Variants in SULF2 observed in about 807,000 individuals in gnomAD.
SULF2 encodes the protein extracellular sulfatase Sulf-2.
Under a neutral mutation model 107.7 loss-of-function variants are expected in SULF2, and 52 were observed. The ratio of observed to expected loss-of-function variants is 0.48; its 90% confidence interval spans 0.39 to 0.61. The LOEUF (loss-of-function observed/expected upper bound fraction) is 0.61. Among genes scored for constraint, SULF2 ranks in the 20% least tolerant of loss-of-function variants. The pLI is 0.00. For missense variants in SULF2, 993 were observed against 1,177.3 expected (o/e 0.84, Z 2.29); for synonymous variants, 460 against 464.3 (o/e 0.99, Z 0.12).
rs182571247 is a variant in SULF2 at position 47,660,906 on chromosome 20, G to A, written c.2494+867C>T. On this transcript the variant is annotated intron_variant, in intron 18 of 20. Coordinates refer to ENST00000688720, the MANE Select transcript of SULF2 (RefSeq NM_001387048.1). ...GCACCTCCCATCACCATGTTGTCTGGGGGCTTCACCACCTGAATCTGAAAT... is the reference window on the plus strand; with the variant it reads ...GCACCTCCCATCACCATGTTGTCTGAGGGCTTCACCACCTGAATCTGAAAT... Among the ~76,000 whole-genome samples, 426 of 152,128 alleles carry A rather than the reference G, an allele frequency of 2.8e-3. 8 individuals carry two copies. Among genetic ancestry groups the A allele is most frequent in the Admixed American group, 0.023 (359 of 15,280 alleles).
At position 47,724,830 on chromosome 20, in the gene SULF2, G is replaced by A. The variant is rs192352646; in HGVS notation, c.415+11873C>T. 2.6e-5 allele frequency among the ~76,000 whole-genome samples: 4 copies of A among 152,300 alleles called. No individual in the cohort carries two copies. In the East Asian group the frequency reaches 7.7e-4, roughly 29 times the overall value. ...CACTACTTGCACCTTTCAAAGAGCTGTTCTCAGCGCCATCAGACTGACCTC... is the reference window on the plus strand; with the variant it reads ...CACTACTTGCACCTTTCAAAGAGCTATTCTCAGCGCCATCAGACTGACCTC... On this transcript the variant is annotated intron_variant, in intron 3 of 20. Coordinates refer to ENST00000688720, the MANE Select transcript of SULF2 (RefSeq NM_001387048.1).
chr20:47,738,280 G>A (rs538784645), intron 2 of SULF2, among the ~76,000 whole-genome samples: 1 of 152,370 alleles, frequency 6.6e-6, no homozygotes, highest in East Asian at 1.9e-4. Context: ...TCAATTGTAT[G>A]CTGTGGTTGG....
chr20:47,702,211 C>G (rs1889172), intron 4 of SULF2, among the ~76,000 whole-genome samples: 6 of 151,896 alleles, frequency 4.0e-5, no homozygotes, highest in Non-Finnish European at 7.4e-5. Context: ...GCATGTGCCA[C>G]CACACCCGGC....
At chr20:47,760,889 G>A (rs567334432) in intron 1 of SULF2, among the ~76,000 whole-genome samples, 93 of 152,318 alleles carry the variant, frequency 6.1e-4, no homozygotes, top group African/African-American at 2.2e-3. Context: ...GAGCCACTGC[G>A]GCAACTGCCT....
chr20:47,768,884 T>G (rs913846277), intron 1 of SULF2, among the ~76,000 whole-genome samples: 2 of 90,528 alleles, frequency 2.2e-5, no homozygotes, highest in Non-Finnish European at 2.6e-5. Flanking sequence ...GTGTGCGTGT[T>G]TTTTTTTTTT....
chr20:47,766,169 C>G (rs6094821), intron 1 of SULF2, among the ~76,000 whole-genome samples: 2 of 152,222 alleles, frequency 1.3e-5, no homozygotes, highest in African/African-American at 4.8e-5. Context: ...GGATGACACA[C>G]GCACATCTGT....
rs6125071 is a variant in SULF2, at chr20:47,676,623, G to A, written c.1251C>T (p.Gly417=). The A allele has an allele frequency of 6.7e-4, 1,042 of 1,550,890 alleles. 16 individuals are homozygous for A. The East Asian group carries it at 0.022, about 33-fold the overall frequency. ...VWRDSFLVER[G]KLLHKRDNDK... ...CATTGTCTCTCTTGTGTAGCAGCTT[G>A]CTATGGGGCAGAGAGCAGGAGCCGC... The change falls in exon 10 of 21, where the codon GGC becomes GGT. Residue 417 remains glycine, a splice_region_variant and synonymous_variant. Transcript: ENST00000688720.
chr20:47,694,997 C>A lies in SULF2; in HGVS notation c.568-4702G>T, dbSNP rs1051784640. 2.9e-4 allele frequency among the ~76,000 whole-genome samples: 44 copies of A among 152,292 alleles called. No homozygotes were observed. The highest frequency in any genetic ancestry group is 9.9e-4 in the African/African-American group (41 of 41,562). On this transcript the variant is annotated intron_variant, in intron 4 of 20. Coordinates refer to ENST00000688720, the MANE Select transcript of SULF2 (RefSeq NM_001387048.1). This position sits in a 1 kb window ranked among gnomAD's most constrained non-coding sequence, Gnocchi z 4.4. Reference sequence around the variant, plus strand: ...AGGCCTTTGTATTTTTGGGTCAGGTCCATCTTTTTCTCCCCGCCACAGATA... The same window carrying A: ...AGGCCTTTGTATTTTTGGGTCAGGTACATCTTTTTCTCCCCGCCACAGATA...
At chr20:47,766,898 C>T (rs538676238) in intron 1 of SULF2, among the ~76,000 whole-genome samples, 166 of 151,816 alleles carry the variant, frequency 1.1e-3, no homozygotes, top group African/African-American at 3.9e-3. Context: ...AATTCACACC[C>T]TCAAATACCT....
At chr20:47,681,510 T>A (rs1385157620) in intron 7 of SULF2, among the ~76,000 whole-genome samples, 1 of 152,096 alleles carries the variant, frequency 6.6e-6, no homozygotes, top group East Asian at 1.9e-4. Context: ...CAGGGATGGT[T>A]TGAAGTTTCT....
chr20:47,724,787 C>A (rs1008266483), intron 3 of SULF2, among the ~76,000 whole-genome samples: 4 of 152,170 alleles, frequency 2.6e-5, no homozygotes, highest in African/African-American at 7.2e-5. Flanking sequence ...ATTTAATTAT[C>A]GCCTTGGAGG....
Position 47,690,297 on chromosome 20 carries a change from TG to T in SULF2, c.568-3del. The T allele has an allele frequency of 1.5e-5, 22 of 1,468,604 alleles. No individual in the cohort carries two copies. The highest frequency in any genetic ancestry group is 1.0e-4 in the East Asian group (4 of 39,294). 91.0% of individuals were successfully genotyped at this position (1,468,604 alleles called of 1,614,324 possible). A position where few individuals can be genotyped will look rare whatever the true frequency, so the allele number is the denominator to read the frequency against. On this transcript the variant is annotated splice_region_variant and splice_polypyrimidine_tract_variant and intron_variant, in intron 4 of 20. Coordinates refer to ENST00000688720, the MANE Select transcript of SULF2 (RefSeq NM_001387048.1). The stretch of plus-strand genomic sequence containing the variant: ...GGTGATGAGGTCTGTGAGGTAATCC[TG>T]GGGGGTGGGGAGAGACAGGAGAACA...
At chr20:47,700,221 C>T (rs1228306333) in intron 4 of SULF2, among the ~76,000 whole-genome samples, 1 of 152,184 alleles carries the variant, frequency 6.6e-6, no homozygotes, top group Non-Finnish European at 1.5e-5. Context: ...GGTCAGCAAA[C>T]TACAGCCAAG....
At chr20:47,732,811 C>A (rs1195178578) in intron 3 of SULF2, among the ~76,000 whole-genome samples, 1 of 152,042 alleles carries the variant, frequency 6.6e-6, no homozygotes, top group Non-Finnish European at 1.5e-5. Context: ...CCACTGCACT[C>A]CAGCGTGGGC....
At chr20:47,672,848 T>G (rs2087523214) in intron 10 of SULF2, among the ~76,000 whole-genome samples, 1 of 152,178 alleles carries the variant, frequency 6.6e-6, no homozygotes, top group Non-Finnish European at 1.5e-5. Flanking sequence ...CTCTCTCCAG[T>G]ATCCCCTGTG....
At chr20:47,679,868 G>A (rs986524308) in intron 7 of SULF2, among the ~76,000 whole-genome samples, 15 of 151,976 alleles carry the variant, frequency 9.9e-5, no homozygotes, top group African/African-American at 2.7e-4. Flanking sequence ...TCGGAACTGC[G>A]CCCCCTCCCC....
intron 1 of SULF2, among the ~76,000 whole-genome samples, chr20:47,783,361 C>A (rs913257434): frequency 3.3e-5 from 5 of 152,200 alleles, no homozygotes; most frequent in African/African-American, 1.2e-4. Flanking sequence ...AACCCAGCTG[C>A]CCTCTTGAGG....
chr20:47,759,686 C>G (rs535352872), intron 1 of SULF2, among the ~76,000 whole-genome samples: 4 of 151,910 alleles, frequency 2.6e-5, no homozygotes, highest in African/African-American at 9.7e-5. Flanking sequence ...AGTGAGACTC[C>G]GTCTCAAAAA....
At chr20:47,766,691 G>C (rs1179707278) in intron 1 of SULF2, among the ~76,000 whole-genome samples, 1 of 152,192 alleles carries the variant, frequency 6.6e-6, no homozygotes, top group Admixed American at 6.5e-5. Flanking sequence ...GGAGTTGAAA[G>C]ATTCCAGCTA....
Sources: gnomAD v4.1 joint callset for allele counts (sites outside exome capture counted in the v4.1 genomes callset) on GRCh38, gnomAD v4.1.1 for gene constraint, Gnocchi (gnomAD v3.1) non-coding constraint, MANE v1.5 for transcripts, NCBI Gene and HGNC (gene_info 2026-07-23, HGNC 2026-07-21) for gene names.